RB1: variants seen among roughly 807,000 people sequenced by gnomAD.
RB1 encodes the protein retinoblastoma-associated protein.
Under a neutral mutation model 135.4 loss-of-function variants are expected in RB1, and 18 were observed. The observed-to-expected ratio is 0.13, with a 90% CI of 0.09 to 0.20. The LOEUF is 0.20. RB1 is among the 10% of genes least tolerant of loss of function. RB1 has a pLI of 1.00. For missense variants in RB1, 868 were observed against 1,110.0 expected, an observed-to-expected ratio of 0.78 and a Z score of 3.10; for synonymous variants, 365 against 373.2, an observed-to-expected ratio of 0.98 and a Z score of 0.25.
chr13:48,440,000 A>G (rs1035750100), intron 17 of RB1, among the ~76,000 whole-genome samples: 17 of 152,176 alleles, frequency 1.1e-4, no homozygotes, highest in African/African-American at 3.9e-4. Context: ...ATATTTTTAT[A>G]TGTATATGAG....
chr13:48,377,386 C>A (rs1361416114), intron 13 of RB1, among the ~76,000 whole-genome samples: 2 of 152,160 alleles, frequency 1.3e-5, no homozygotes, highest in African/African-American at 4.8e-5. Context: ...TGGGACTATA[C>A]ATGCCATTTG....
intron 17 of RB1, among the ~76,000 whole-genome samples, chr13:48,431,382 A>G (rs1949127931): frequency 6.6e-6 from 1 of 152,248 alleles, no homozygotes; most frequent in Non-Finnish European, 1.5e-5. Context: ...AAGTATGCTT[A>G]AAACCAAAAA....
chr13:48,320,510 G>A (rs942472237), intron 2 of RB1: 2 of 603,406 alleles, frequency 3.3e-6, no homozygotes, highest in African/African-American at 1.9e-5. Context: ...GAGGGACGAC[G>A]CTTTATTTCT....
intron 2 of RB1, chr13:48,316,719 TCACACACACACACACACACA>T (rs60176662): frequency 0.1 from 10,789 of 107,610 alleles, 587 homozygotes; most frequent in East Asian, 0.12. Flanking sequence ...CACAGAACCA[TCACACACACACACACACACA>T]CACACACACA....
intron 24 of RB1, among the ~76,000 whole-genome samples, chr13:48,475,937 C>G (rs1001645564): frequency 6.6e-6 from 1 of 152,148 alleles, no homozygotes; most frequent in African/African-American, 2.4e-5. Flanking sequence ...TTTTGCTTGC[C>G]ATAACCTCTA....
At chr13:48,309,779 A>G (rs1224458485) in intron 2 of RB1, among the ~76,000 whole-genome samples, 1 of 152,218 alleles carries the variant, frequency 6.6e-6, no homozygotes, top group East Asian at 1.9e-4. Flanking sequence ...CCTGGTTCAC[A>G]TAACTTATTT....
chr13:48,472,482 C>T (rs1271487783), intron 23 of RB1, among the ~76,000 whole-genome samples: 2 of 151,938 alleles, frequency 1.3e-5, no homozygotes, highest in Non-Finnish European at 2.9e-5. Context: ...TTACATTGTT[C>T]CATGCCACTA....
At chr13:48,458,594 A>G (rs1364332093) in intron 19 of RB1, among the ~76,000 whole-genome samples, 2 of 152,028 alleles carry the variant, frequency 1.3e-5, no homozygotes, top group Non-Finnish European at 2.9e-5. Flanking sequence ...TCAATCAGAA[A>G]CTCTTAAGAT....
intron 17 of RB1, among the ~76,000 whole-genome samples, chr13:48,426,083 A>G (rs1251330717): frequency 6.6e-6 from 1 of 152,210 alleles, no homozygotes; most frequent in Non-Finnish European, 1.5e-5. Flanking sequence ...GAGATCCAGA[A>G]TCCTTGATTT....
intron 6 of RB1, among the ~76,000 whole-genome samples, chr13:48,349,903 C>G (rs772263506): frequency 2.4e-4 from 37 of 151,996 alleles, no homozygotes; most frequent in Non-Finnish European, 4.3e-4. Context: ...ATACTTATAT[C>G]AGACAAAATA....
chr13:48,460,698 C>T (rs561367713), intron 20 of RB1, among the ~76,000 whole-genome samples: 245 of 152,260 alleles, frequency 1.6e-3, no homozygotes, highest in African/African-American at 5.5e-3. Flanking sequence ...CAGTGGCTCA[C>T]GCCTGTAATC....
At chr13:48,400,069 G>A (rs546199750) in intron 17 of RB1, among the ~76,000 whole-genome samples, 1 of 152,210 alleles carries the variant, frequency 6.6e-6, no homozygotes, top group South Asian at 2.1e-4. Flanking sequence ...ACTCAGGAAT[G>A]TCCTGTAGGT....
At chr13:48,432,427 G>GTTTTTTTTT (rs199873207) in intron 17 of RB1, among the ~76,000 whole-genome samples, 1 of 136,684 alleles carries the variant, frequency 7.3e-6, no homozygotes. Context: ...TTGTTTTTTT[G>GTTTTTTTTT]TTTTTTTTTT....
At chr13:48,304,607 G>A (rs191492971) in intron 1 of RB1, among the ~76,000 whole-genome samples, 68 of 152,248 alleles carry the variant, frequency 4.5e-4, no homozygotes, top group African/African-American at 1.6e-3. Flanking sequence ...ACTCGGCTCA[G>A]GAGCTTTGCG....
chr13:48,414,819 A>T (rs932269346), intron 17 of RB1, among the ~76,000 whole-genome samples: 1 of 152,200 alleles, frequency 6.6e-6, no homozygotes, highest in African/African-American at 2.4e-5. Flanking sequence ...CAATACTTAA[A>T]ATTTTGAAGG....
rs567846822 is a variant in RB1, at chr13:48,306,698, A to T, written c.138-582A>T. ...TCATAGTAAATACTCAAAAATTATT[A>T]ATTATTCTTCATACTATTCTTATTA... On this transcript the variant is annotated intron_variant, in intron 1 of 26. Transcript: ENST00000267163. Among the ~76,000 whole-genome samples, 8 of 152,332 alleles carry T rather than the reference A, an allele frequency of 5.3e-5. No individual in the cohort carries two copies. In the South Asian group the frequency reaches 1.7e-3, roughly 32 times the overall value.
At chr13:48,315,975 C>T (rs572299882) in intron 2 of RB1, among the ~76,000 whole-genome samples, 23 of 152,172 alleles carry the variant, frequency 1.5e-4, no homozygotes, top group Non-Finnish European at 2.9e-4. Flanking sequence ...AGTGTATAAG[C>T]ATTCCCTTTT....
rs1332120456 is a variant in RB1 at position 48,387,492 on chromosome 13, A to C, written c.1695+6049A>C. The stretch of plus-strand genomic sequence containing the variant: ...TTTATATGAAATGTCCACAAGAGGC[A>C]ATTCAGTAGAGATAGGAAGTAGATT... On this transcript the variant is annotated intron_variant, in intron 17 of 26. Transcript: ENST00000267163. 3.9e-5 allele frequency among the ~76,000 whole-genome samples: 6 copies of C among 152,166 alleles called. No homozygotes were observed. The East Asian group carries it at 1.2e-3, about 29-fold the overall frequency.
At chr13:48,461,998 A>G (rs1262500456) in intron 20 of RB1, among the ~76,000 whole-genome samples, 1 of 151,724 alleles carries the variant, frequency 6.6e-6, no homozygotes, top group African/African-American at 2.4e-5. Flanking sequence ...ACACCTGGCT[A>G]ATTTCTGTAT....
Sources: allele counts gnomAD v4.1 joint callset (sites outside exome capture counted in the v4.1 genomes callset), GRCh38; gene constraint gnomAD v4.1.1; transcripts MANE v1.5; gene names NCBI Gene and HGNC (gene_info 2026-07-23, HGNC 2026-07-21).